The following ITGB2 variants were observed in gnomAD, a reference collection of about 807,000 sequenced individuals.
ITGB2 encodes integrin beta-2.
In ITGB2, 56 loss-of-function variants were observed where a neutral mutation model predicts 86.8. The ratio of observed to expected loss-of-function variants is 0.65; its 90% CI spans 0.52 to 0.81. The LOEUF (loss-of-function observed/expected upper bound fraction) is 0.81, where lower values mean the gene tolerates loss of function less well. Among genes scored for constraint, ITGB2 ranks in the 30% least tolerant of loss-of-function variants. The probability of loss-of-function intolerance (pLI) is 0.00; values close to 1 mark genes in which losing one functional copy is unlikely to be tolerated. For missense variants in ITGB2, 948 were observed against 1,061.2 expected (o/e 0.89, Z 1.48); for synonymous variants, 457 against 450.4 (o/e 1.01, Z -0.19).
chr21:44,888,315 C>T (rs2083728232), intron 14 of ITGB2, among the ~76,000 whole-genome samples: 1 of 150,930 alleles, frequency 6.6e-6, no homozygotes, highest in African/African-American at 2.4e-5. Flanking sequence ...CACGCAGCAA[C>T]CTGACCGCGG....
upstream of ITGB2, among the ~76,000 whole-genome samples, chr21:44,924,953 C>T (rs143745408): frequency 2.2e-3 from 332 of 152,204 alleles, 2 homozygotes; most frequent in African/African-American, 7.4e-3. Flanking sequence ...GAGAAGGCTA[C>T]GGGCCTGGGA....
At chr21:44,915,416 G>A (rs889228176) in intron 1 of ITGB2, among the ~76,000 whole-genome samples, 7 of 152,126 alleles carry the variant, frequency 4.6e-5, no homozygotes, top group African/African-American at 7.2e-5. Context: ...TTGCATCAGA[G>A]CTTCCTCCTG....
At position 44,906,904 on chromosome 21, in the gene ITGB2, G is replaced by A. The variant is rs1473159640; in HGVS notation, c.328+11C>T. ...GACGGTGCCTGGCACCACCACCGAG[G>A]CCAAGCCTACCTGGTCGCAGGTAAA... On this transcript the variant is annotated intron_variant, in intron 4 of 15. Coordinates refer to ENST00000652462, the MANE Select transcript of ITGB2 (RefSeq NM_000211.5). 6.2e-7 allele frequency: 1 copy of A among 1,614,080 alleles called. No individual in the cohort carries two copies. Among genetic ancestry groups the A allele is most frequent in the Admixed American group, 1.7e-5 (1 of 60,020 alleles).
upstream of ITGB2, chr21:44,922,885 C>G (rs1264482185): frequency 1.3e-5 from 2 of 152,114 alleles, no homozygotes; most frequent in African/African-American, 2.4e-5. Flanking sequence ...ATGAAATGTT[C>G]TCTGTCAAGG....
chr21:44,900,182 T>C (rs1411425254), intron 7 of ITGB2, 138 bp downstream of exon 7: 4 of 1,197,240 alleles, frequency 3.3e-6, no homozygotes, highest in African/African-American at 3.0e-5. Context: ...ACGCTGCCAC[T>C]TGGGGCTTCC....
At chr21:44,886,556 C>G (rs2083701391) in intron 15 of ITGB2, 126 bp from the exon 16 acceptor site, 3 of 1,392,766 alleles carry the variant, frequency 2.2e-6, no homozygotes, top group Non-Finnish European at 2.0e-6. Context: ...GGGCAGCCCC[C>G]CCAGGGTCCC....
At chr21:44,907,823 T>A (rs1028687347) in intron 3 of ITGB2, among the ~76,000 whole-genome samples, 2 of 151,952 alleles carry the variant, frequency 1.3e-5, no homozygotes, top group Admixed American at 1.3e-4. Flanking sequence ...GGGGGGCAGG[T>A]GGGAGGGGAG....
chr21:44,886,725 C>G lies in ITGB2; in HGVS notation c.2247+11G>C. ...CCCCTCTGCGTGGGACCCCCAAGGA[C>G]GGCCACTTACATTGTTCCACTGGGA... On this transcript the variant is annotated intron_variant, in intron 15 of 15. Transcript: ENST00000652462. The G allele has an allele frequency of 6.2e-7, 1 of 1,614,026 alleles. No individual in the cohort carries two copies. Among genetic ancestry groups the G allele is most frequent in the South Asian group, 1.1e-5 (1 of 91,088 alleles).
chr21:44,920,526 G>T (rs1054095544), intron 1 of ITGB2, among the ~76,000 whole-genome samples: 8 of 152,138 alleles, frequency 5.3e-5, no homozygotes, highest in African/African-American at 1.9e-4. Flanking sequence ...AGGGGCTTGT[G>T]GGCCCAGCCT....
chr21:44,903,615 C>T (rs1426772399), intron 4 of ITGB2, 80 bp from the exon 5 acceptor site: 4 of 1,544,846 alleles, frequency 2.6e-6, no homozygotes, highest in Non-Finnish European at 3.5e-6. Flanking sequence ...CCCGAGCGGG[C>T]TGTGCACTGG....
intron 3 of ITGB2, 36 bp downstream of exon 3, chr21:44,910,248 G>A: frequency 6.2e-7 from 1 of 1,608,062 alleles, no homozygotes; most frequent in Admixed American, 1.7e-5. Context: ...TCACCCAGGA[G>A]CTGGGCAGGT....
chr21:44,928,100 C>T (rs1262915809), intron 1 of ITGB2: 1 of 151,904 alleles, frequency 6.6e-6, no homozygotes, highest in South Asian at 2.1e-4. Context: ...TGGTGTGGCT[C>T]CTCCTTGAGG....
At chr21:44,904,440 C>T (rs555070860) in intron 4 of ITGB2, among the ~76,000 whole-genome samples, 19 of 151,762 alleles carry the variant, frequency 1.3e-4, no homozygotes, top group Non-Finnish European at 2.1e-4. Context: ...GTAGCACACA[C>T]GCACCCACAT....
chr21:44,906,932 G>A lies in ITGB2; in HGVS notation c.311C>T (p.Thr104Met), dbSNP rs138682103. The change falls in exon 4 of 16, where the codon ACG (threonine) becomes ATG (methionine). Residue 104 changes from threonine (T) to methionine (M), a missense_variant. Physicochemically the swap from Thr to Met is moderately conservative, Grantham distance 81 (BLOSUM62 -1). Coordinates refer to ENST00000652462, the MANE Select transcript of ITGB2 (RefSeq NM_000211.5). Reference sequence around the variant, plus strand: ...AAGCCTACCTGGTCGCAGGTAAAGCGTCACTTTTTGTGGGGACAGCTGCTT... The same window carrying A: ...AAGCCTACCTGGTCGCAGGTAAAGCATCACTTTTTGTGGGGACAGCTGCTT... ...GQKQLSPQKV[T>M]LYLRPGQAAA... The A allele has an allele frequency of 2.3e-4, 378 of 1,614,166 alleles. No homozygotes were observed. In the African/African-American group the frequency reaches 4.1e-3, roughly 18 times the overall value.
Position 44,886,679 on chromosome 21 carries a change from G to A in ITGB2, c.2247+57C>T, listed in dbSNP as rs33973568. On this transcript the variant is annotated intron_variant, in intron 15 of 15. Coordinates refer to ENST00000652462, the MANE Select transcript of ITGB2 (RefSeq NM_000211.5). ...CCACGGCCTCCCGCAGCAGGAGGTC[G>A]CATAGTGTGGGACGCACGTGCCCCT... 165,474 of 1,606,046 alleles carry A rather than the reference G, an allele frequency of 0.1. 11,760 individuals are homozygous for A. The highest frequency in any genetic ancestry group is 0.38 in the East Asian group (17,240 of 44,826).
In ITGB2 at chr21:44,899,082, C is replaced by G; in HGVS notation, c.978G>C (p.Met326Ile). 1 of 1,613,932 alleles carries G rather than the reference C, an allele frequency of 6.2e-7. No homozygotes were observed. Among genetic ancestry groups the G allele is most frequent in the Non-Finnish European group, 8.5e-7 (1 of 1,179,782 alleles). ...IQPIFAVTSR[M>I]VKTYEKLTEI... ...CAGCACTCACCTCGTAGGTCTTCAC[C>G]ATCCTACTGGTCACCGCGAAGATGG... is the stretch of plus-strand genomic sequence containing the variant. Residue 326 changes from methionine to isoleucine, a missense_variant, in exon 8 of 16, where the codon ATG becomes ATC. Met to Ile is a conservative substitution (Grantham distance 10, BLOSUM62 1). Coordinates refer to ENST00000652462, the MANE Select transcript of ITGB2 (RefSeq NM_000211.5).
At chr21:44,896,055 GGTGTGAGTGATCCCGCCTGCA>G (rs2083866014) in intron 8 of ITGB2, among the ~76,000 whole-genome samples, 5 of 151,722 alleles carry the variant, frequency 3.3e-5, no homozygotes, top group South Asian at 2.1e-4. Flanking sequence ...TCCCGCCTGC[GGTGTGAGTGATCCCGCCTGCA>G]GTGTGAGTGA....
intron 9 of ITGB2, 85 bp from the exon 10 acceptor site, chr21:44,893,629 A>T (rs1192912935): frequency 6.4e-6 from 10 of 1,550,598 alleles, no homozygotes; most frequent in Non-Finnish European, 8.9e-6. Context: ...ACCCGTCTCC[A>T]CTTCTCCTCT....
At position 44,886,072 on chromosome 21, in the gene ITGB2, C is replaced by A. The variant is rs574719553; in HGVS notation, c.*296G>T. On this transcript the variant is annotated 3_prime_UTR_variant, in exon 16 of 16. Coordinates refer to ENST00000652462, the MANE Select transcript of ITGB2 (RefSeq NM_000211.5). ...AAGTTTAAATGTAAATAAATTGGCA[C>A]CACCTTTAATCAGACTGATGTCCTG... The A allele has an allele frequency of 6.2e-6, 3 of 487,334 alleles. No individual in the cohort carries two copies. Among genetic ancestry groups the A allele is most frequent in the South Asian group, 4.7e-5 (2 of 42,730 alleles). 30.2% of individuals were successfully genotyped at this position (487,334 alleles called of 1,614,324 possible).
Sources: gnomAD v4.1 joint callset for allele counts (sites outside exome capture counted in the v4.1 genomes callset) on GRCh38, gnomAD v4.1.1 for gene constraint, MANE v1.5 for transcripts, NCBI Gene and HGNC (gene_info 2026-07-23, HGNC 2026-07-21) for gene names.